The following NRG1 variants were observed in gnomAD, a reference collection of about 807,000 sequenced individuals.
NRG1 encodes the protein neuregulin 1, also known as pro-neuregulin-1, membrane-bound isoform.
Under a neutral mutation model 63.8 loss-of-function variants are expected in NRG1, and 18 were observed. That is an observed-to-expected ratio of 0.28 (90% CI 0.19 to 0.42). The LOEUF (loss-of-function observed/expected upper bound fraction) is 0.42. NRG1 is among the 10% of genes least tolerant of loss of function. The pLI is 1.00. For synonymous variants in NRG1, 302 were observed against 301.3 expected, an observed-to-expected ratio of 1.00 and a Z score of -0.02; for missense variants, 762 against 814.7, an observed-to-expected ratio of 0.94 and a Z score of 0.79.
chr8:31,874,470 A>G (rs1038127930), intron 1 of NRG1, among the ~76,000 whole-genome samples: 2 of 152,180 alleles, frequency 1.3e-5, no homozygotes, highest in African/African-American at 4.8e-5. Flanking sequence ...CAAAAACCAC[A>G]ATTACTTTTG....
intron 5 of NRG1, among the ~76,000 whole-genome samples, chr8:32,701,631 G>A (rs1404455758): frequency 6.6e-6 from 1 of 152,168 alleles, no homozygotes; most frequent in African/African-American, 2.4e-5. Flanking sequence ...AGGCCAAGCT[G>A]TCAACTAAAG....
At chr8:31,832,263 T>TG (rs1586702163) in intron 1 of NRG1, among the ~76,000 whole-genome samples, 1 of 151,628 alleles carries the variant, frequency 6.6e-6, no homozygotes, top group East Asian at 1.9e-4. Flanking sequence ...TTTTTTTTTT[T>TG]TTTTCTTGAG....
At position 31,821,278 on chromosome 8, in the gene NRG1, A is replaced by C. The variant is rs12114908; in HGVS notation, c.37+181847A>C. ...TCCTCATTCTGGTGTGATTAATTTT[A>C]TCTCTTTTTAGTATACTTGTGGTTC... On this transcript the variant is annotated intron_variant, in intron 1 of 10. Coordinates refer to the NRG1 transcript ENST00000519301. Among the ~76,000 whole-genome samples, 1,759 of 152,164 alleles carry C rather than the reference A, an allele frequency of 0.012. 54 individuals carry two copies. In the South Asian group the frequency reaches 0.12, roughly 10 times the overall value.
intron 1 of NRG1, among the ~76,000 whole-genome samples, chr8:31,812,076 A>G (rs1822941339): frequency 6.6e-6 from 1 of 152,212 alleles, no homozygotes; most frequent in Admixed American, 6.5e-5. Flanking sequence ...AATAGCTATG[A>G]AATTTCAGGC....
chr8:32,539,560 G>A (rs1004512630), intron 1 of NRG1, among the ~76,000 whole-genome samples: 4 of 152,106 alleles, frequency 2.6e-5, no homozygotes, highest in African/African-American at 7.2e-5. Flanking sequence ...CTTTTTTTGC[G>A]GGGAAGAGAT....
At chr8:32,294,176 A>G (rs1854564614) in intron 1 of NRG1, among the ~76,000 whole-genome samples, 1 of 152,016 alleles carries the variant, frequency 6.6e-6, no homozygotes, top group South Asian at 2.1e-4. Context: ...CATTTTCCCC[A>G]AGTCCTCCCC....
chr8:32,077,285 G>A (rs1259941051), intron 1 of NRG1, among the ~76,000 whole-genome samples: 1 of 152,068 alleles, frequency 6.6e-6, no homozygotes, highest in African/African-American at 2.4e-5. Context: ...GAGAATCGCT[G>A]GAACCCGGGA....
intron 1 of NRG1, among the ~76,000 whole-genome samples, chr8:32,415,921 G>T (rs138733209): frequency 6.6e-6 from 1 of 152,176 alleles, no homozygotes; most frequent in Admixed American, 6.5e-5. Context: ...CATCTGTGCA[G>T]ATTGCTGTAT....
chr8:32,089,167 G>A (rs957902892), intron 1 of NRG1, among the ~76,000 whole-genome samples: 1 of 152,170 alleles, frequency 6.6e-6, no homozygotes, highest in Non-Finnish European at 1.5e-5. Flanking sequence ...GTCATTGCAC[G>A]CAGCGCACTC....
At chr8:32,700,568 C>T (rs1254276381) in intron 5 of NRG1, among the ~76,000 whole-genome samples, 2 of 152,160 alleles carry the variant, frequency 1.3e-5, no homozygotes, top group Admixed American at 6.5e-5. Flanking sequence ...CTTTTCACTA[C>T]AAACACAATA....
chr8:31,963,851 G>T (rs974842052), intron 1 of NRG1, among the ~76,000 whole-genome samples: 1 of 152,150 alleles, frequency 6.6e-6, no homozygotes, highest in Non-Finnish European at 1.5e-5. Flanking sequence ...AGTTATCTCC[G>T]TAACTCTAGG....
chr8:32,430,016 A>G (rs190880354), intron 1 of NRG1, among the ~76,000 whole-genome samples: 9 of 152,326 alleles, frequency 5.9e-5, no homozygotes, highest in African/African-American at 2.2e-4. Flanking sequence ...TGAATGCACT[A>G]TAGGTTCAAA....
intron 1 of NRG1, among the ~76,000 whole-genome samples, chr8:32,372,533 T>C (rs1809040727): frequency 6.6e-6 from 1 of 152,162 alleles, no homozygotes; most frequent in South Asian, 2.1e-4. Flanking sequence ...CTATTTGGTG[T>C]ATACAAATGT....
upstream of NRG1, among the ~76,000 whole-genome samples, chr8:32,546,316 T>TC (rs397963108): frequency 6.6e-6 from 1 of 151,714 alleles, no homozygotes; most frequent in Non-Finnish European, 1.5e-5. Context: ...TTCTTTTTTT[T>TC]AATTGGGGAA....
intron 1 of NRG1, among the ~76,000 whole-genome samples, chr8:31,914,129 C>T (rs889244246): frequency 3.3e-5 from 5 of 152,292 alleles, no homozygotes; most frequent in South Asian, 2.1e-4. Flanking sequence ...TTAAAGAGAT[C>T]GTCCTTCTTA....
At chr8:32,006,228 G>T (rs1813743973) in intron 1 of NRG1, among the ~76,000 whole-genome samples, 1 of 151,998 alleles carries the variant, frequency 6.6e-6, no homozygotes, top group Non-Finnish European at 1.5e-5. Flanking sequence ...ATTTGTAGAT[G>T]TAAACACTAT....
At chr8:31,697,472 C>T (rs1404142379) in intron 1 of NRG1, among the ~76,000 whole-genome samples, 1 of 152,150 alleles carries the variant, frequency 6.6e-6, no homozygotes, top group Non-Finnish European at 1.5e-5. Context: ...TTATCAATTT[C>T]AAGTCAGTTT....
At chr8:32,251,663 CA>C (rs1849121939) in intron 1 of NRG1, among the ~76,000 whole-genome samples, 1 of 152,116 alleles carries the variant, frequency 6.6e-6, no homozygotes, top group South Asian at 2.1e-4. Flanking sequence ...AACTAATTTA[CA>C]CTCCCAACAG....
chr8:32,530,773 G>A (rs1254588445), intron 1 of NRG1, among the ~76,000 whole-genome samples: 3 of 152,032 alleles, frequency 2.0e-5, no homozygotes, highest in Non-Finnish European at 4.4e-5. Context: ...AATAATAATT[G>A]GGTATTCGGG....
Sources: gnomAD v4.1 joint callset for allele counts (sites outside exome capture counted in the v4.1 genomes callset) on GRCh38, gnomAD v4.1.1 for gene constraint, MANE v1.5 for transcripts, NCBI Gene and HGNC (gene_info 2026-07-23, HGNC 2026-07-21) for gene names.